MKRN2: variants seen among roughly 807,000 people sequenced by gnomAD.
The protein encoded by MKRN2 is makorin ring finger protein 2.
In MKRN2, 32 loss-of-function variants were observed where a neutral mutation model predicts 45.4. The observed-to-expected ratio is 0.70, with a 90% CI of 0.53 to 0.95. The LOEUF (loss-of-function observed/expected upper bound fraction) is 0.95, where lower values mean the gene tolerates loss of function less well. Ranked by LOEUF, MKRN2 falls within the 40% of genes least tolerant of loss-of-function variation. The pLI is 0.00. For missense variants in MKRN2, 526 were observed against 536.7 expected (o/e 0.98, Z 0.20); for synonymous variants, 206 against 192.4 (o/e 1.07, Z -0.59).
chr3:12,572,380 T>C lies in MKRN2; in HGVS notation c.642+7T>C. On this transcript the variant is annotated splice_region_variant and intron_variant, in intron 4 of 7. Coordinates refer to ENST00000170447, the MANE Select transcript of MKRN2 (RefSeq NM_014160.5). ...GAGGAAGGCTCATGAAAAGGTAAAGTCACAAACCTTTGCATGAACTCATGT... is the reference window on the plus strand; with the variant it reads ...GAGGAAGGCTCATGAAAAGGTAAAGCCACAAACCTTTGCATGAACTCATGT... The C allele has an allele frequency of 1.3e-6, 2 of 1,545,986 alleles. No individual in the cohort carries two copies. The highest frequency in any genetic ancestry group is 1.7e-6 in the Non-Finnish European group (2 of 1,143,324).
At chr3:12,570,744 G>A (rs920880705) in intron 3 of MKRN2, among the ~76,000 whole-genome samples, 2 of 151,774 alleles carry the variant, frequency 1.3e-5, no homozygotes, top group Admixed American at 6.6e-5. Context: ...TTAGCCGGGT[G>A]TAGTGGCAGG....
rs5746259 is a variant in MKRN2 at position 12,582,357 on chromosome 3, G to A, written c.*104G>A. 270 of 1,439,556 alleles carry A rather than the reference G, an allele frequency of 1.9e-4. No individual in the cohort carries two copies. The African/African-American group carries it at 3.3e-3, about 18-fold the overall frequency. The allele number at this position is 1,439,556 out of a possible 1,614,324, so 89.2% of individuals were successfully genotyped here. A position where few individuals can be genotyped will look rare whatever the true frequency, so the allele number is the denominator to read the frequency against. ...CTGCAGCCAAGGTGACGTGTGACTT[G>A]GATTTGAGTGGAGTTGGGCTTAGCC... On this transcript the variant is annotated 3_prime_UTR_variant, in exon 8 of 8. Transcript: ENST00000170447.
chr3:12,573,228 TA>T (rs1430694346), intron 4 of MKRN2, among the ~76,000 whole-genome samples: 1 of 151,978 alleles, frequency 6.6e-6, no homozygotes, highest in East Asian at 1.9e-4. Flanking sequence ...CGAAGCTGGA[TA>T]AGAGGCGGGG....
At chr3:12,559,229 T>C (rs1030799776) in intron 1 of MKRN2, among the ~76,000 whole-genome samples, 1 of 152,186 alleles carries the variant, frequency 6.6e-6, no homozygotes, top group Non-Finnish European at 1.5e-5. Flanking sequence ...AAAACCAATA[T>C]GACCAAGAGT....
chr3:12,565,553 G>GTTT (rs796564027), intron 1 of MKRN2, among the ~76,000 whole-genome samples: 3 of 110,072 alleles, frequency 2.7e-5, no homozygotes, highest in Admixed American at 2.1e-4. Context: ...TTTTTTTTTG[G>GTTT]GAGACAGGGT....
chr3:12,574,125 C>G (rs558632150), intron 4 of MKRN2, among the ~76,000 whole-genome samples: 31 of 152,156 alleles, frequency 2.0e-4, no homozygotes, highest in Non-Finnish European at 3.5e-4. Context: ...CAAGGAGACA[C>G]TCTCCATTGT....
At position 12,570,462 on chromosome 3, in the gene MKRN2, G is replaced by A. The variant is rs144555775; in HGVS notation, c.337+210G>A. ...ACATTCGCCCTCGTGCCCAAGGCTG[G>A]GTTGAGCTCCAAGACTGGCCTGGTA... On this transcript the variant is annotated intron_variant, in intron 3 of 7. Coordinates refer to ENST00000170447, the MANE Select transcript of MKRN2 (RefSeq NM_014160.5). 4.4e-3 allele frequency among the ~76,000 whole-genome samples: 665 copies of A among 152,174 alleles called. 2 individuals are homozygous for A. Among genetic ancestry groups the A allele is most frequent in the Non-Finnish European group, 7.0e-3 (478 of 67,992 alleles).
In MKRN2 at chr3:12,568,890, T is replaced by C. The variant is rs760670507; in HGVS notation, c.42T>C (p.Gly14=). 1.9e-6 allele frequency: 3 copies of C among 1,613,564 alleles called. No homozygotes were observed. The highest frequency in any genetic ancestry group is 1.7e-6 in the Non-Finnish European group (2 of 1,179,894). The part of the protein sequence containing the change: ...KQITCRYFMH[G]VCREGSQCLF... ...GTCTCTGCAGGTATTTTATGCATGGTGTGTGTCGGGAAGGAAGTCAGTGCC... is the reference window on the plus strand; with the variant it reads ...GTCTCTGCAGGTATTTTATGCATGGCGTGTGTCGGGAAGGAAGTCAGTGCC... Residue 14 remains glycine (G), a synonymous_variant, in exon 2 of 8, where the codon GGT becomes GGC. Transcript: ENST00000170447.
At chr3:12,557,220 C>T (rs1404374654) in intron 1 of MKRN2, 44 bp downstream of exon 1, 6 of 1,525,842 alleles carry the variant, frequency 3.9e-6, no homozygotes, top group East Asian at 5.2e-5. Context: ...TCCCCCAGGC[C>T]GCAGGGGGGC....
At chr3:12,557,212 C>A (rs1259818842) in intron 1 of MKRN2, 36 bp downstream of exon 1, 1 of 1,529,848 alleles carries the variant, frequency 6.5e-7, no homozygotes, top group Admixed American at 2.0e-5. Flanking sequence ...CGGGCCGCTC[C>A]CCCAGGCCGC....
chr3:12,564,132 G>C (rs867373848), intron 1 of MKRN2, among the ~76,000 whole-genome samples: 1 of 151,950 alleles, frequency 6.6e-6, no homozygotes, highest in Non-Finnish European at 1.5e-5. Flanking sequence ...TTTTAGTAGA[G>C]ATGGGGTTTC....
Position 12,572,126 on chromosome 3 carries a change from G to C in MKRN2, c.395G>C (p.Ser132Thr), listed in dbSNP as rs969266359. 7 of 1,613,884 alleles carry C rather than the reference G, an allele frequency of 4.3e-6. No homozygotes were observed. The highest frequency in any genetic ancestry group is 5.9e-6 in the Non-Finnish European group (7 of 1,179,968). ...CCGAGCATGGTGAGTAATCCAGGCAGCTGCAGCGACCCCCAGCCCAGCCCC... is the reference window on the plus strand; with the variant it reads ...CCGAGCATGGTGAGTAATCCAGGCACCTGCAGCGACCCCCAGCCCAGCCCC... ...TQPSMVSNPG[S>T]CSDPQPSPEM... Residue 132 changes from serine to threonine, a missense_variant, in exon 4 of 8, where the codon AGC (serine) becomes ACC (threonine). By Grantham distance (58) the Ser-to-Thr change is moderately conservative. Transcript: ENST00000170447.
At chr3:12,580,584 G>A (rs1050473454) in intron 6 of MKRN2, among the ~76,000 whole-genome samples, 1 of 152,054 alleles carries the variant, frequency 6.6e-6, no homozygotes, top group African/African-American at 2.4e-5. Context: ...TCAGCCTCCC[G>A]AGTAGCTGGG....
chr3:12,559,279 T>G (rs2058014675), intron 1 of MKRN2, among the ~76,000 whole-genome samples: 1 of 152,238 alleles, frequency 6.6e-6, no homozygotes. Flanking sequence ...CATCAACTTT[T>G]CTACCAGCTT....
chr3:12,568,290 CAA>C (rs1338194395), intron 1 of MKRN2, among the ~76,000 whole-genome samples: 1 of 151,910 alleles, frequency 6.6e-6, no homozygotes, highest in East Asian at 1.9e-4. Context: ...CATCTCAAAA[CAA>C]AAAACAAAAA....
At chr3:12,576,486 C>A (rs1239725075) in intron 5 of MKRN2, 145 bp from the exon 6 acceptor site, 3 of 555,366 alleles carry the variant, frequency 5.4e-6, no homozygotes, top group East Asian at 3.3e-5. Flanking sequence ...AAATAAGGTT[C>A]TTGGATGATT....
At position 12,570,139 on chromosome 3, in the gene MKRN2, CCCCAG is replaced by C. The variant is rs1183196968; in HGVS notation, c.226_230del (p.Pro76PhefsTer18). The C allele has an allele frequency of 6.2e-7, 1 of 1,614,030 alleles. No individual in the cohort carries two copies. The highest frequency in any genetic ancestry group is 1.7e-5 in the Admixed American group (1 of 60,022). On this transcript the variant is annotated frameshift_variant, in exon 3 of 8. Transcript: ENST00000170447. LOFTEE classifies it high-confidence loss of function. ...GGCACCATGGCCCACAGTGTGCCCT[CCCCAG>C]CTTTCCACAGTCCTCACCCTCCTTC...
At chr3:12,557,335 C>T (rs1184182939) in intron 1 of MKRN2, among the ~76,000 whole-genome samples, 159 bp downstream of exon 1, 1 of 152,216 alleles carries the variant, frequency 6.6e-6, no homozygotes, top group Non-Finnish European at 1.5e-5. Flanking sequence ...CGAGCGCTGC[C>T]GCCACAGCCG....
chr3:12,569,721 G>T (rs1189564665), intron 2 of MKRN2, among the ~76,000 whole-genome samples: 1 of 152,054 alleles, frequency 6.6e-6, no homozygotes, highest in Admixed American at 6.6e-5. Context: ...CAGCATTTTG[G>T]GGACTCCTGC....
Sources: gnomAD v4.1 joint callset for allele counts (sites outside exome capture counted in the v4.1 genomes callset) on GRCh38, gnomAD v4.1.1 for gene constraint, MANE v1.5 for transcripts, NCBI Gene and HGNC (gene_info 2026-07-23, HGNC 2026-07-21) for gene names.